Variants in ANTXR1 observed in about 807,000 individuals in gnomAD.
The protein encoded by ANTXR1 is anthrax toxin receptor 1.
Under a neutral mutation model 78.1 loss-of-function variants are expected in ANTXR1, and 19 were observed. The observed-to-expected ratio is 0.24, with a 90% CI of 0.17 to 0.36. ANTXR1 has a LOEUF of 0.36. Among genes scored for constraint, ANTXR1 ranks in the 10% least tolerant of loss-of-function variants. The pLI is 1.00. For missense variants in ANTXR1, 518 were observed against 718.6 expected (o/e 0.72, Z 3.19); for synonymous variants, 273 against 260.5 (o/e 1.05, Z -0.46).
chr2:69,152,517 T>C (rs1673425124), intron 13 of ANTXR1, among the ~76,000 whole-genome samples: 1 of 152,180 alleles, frequency 6.6e-6, no homozygotes, highest in Non-Finnish European at 1.5e-5. Context: ...GTGGCCGCTT[T>C]AGTTCTGGTG....
chr2:69,154,935 G>C (rs965663523), intron 13 of ANTXR1, among the ~76,000 whole-genome samples: 3 of 152,194 alleles, frequency 2.0e-5, no homozygotes, highest in African/African-American at 7.2e-5. Flanking sequence ...CCAGTTACTA[G>C]CTACAAAGGC....
intron 8 of ANTXR1, among the ~76,000 whole-genome samples, chr2:69,090,131 C>G (rs917360784): frequency 6.6e-6 from 1 of 151,988 alleles, no homozygotes. Flanking sequence ...CAAATGCCCC[C>G]TTTGAAGCTC....
intron 3 of ANTXR1, among the ~76,000 whole-genome samples, chr2:69,055,400 C>G (rs7579629): frequency 0.052 from 7,965 of 152,190 alleles, 241 homozygotes; most frequent in Middle Eastern, 0.11. Context: ...CAGGCAATGT[C>G]TCTACAGAAG....
rs1375575096 is a variant in ANTXR1, at chr2:69,041,955, G to GCTGT, written c.224+1842_224+1845dup. ...CCAAACTCCACCAGGCAGAGGCTGG[G>GCTGT]CTGTCGTCTGTTGACAGTCACAGCC... On this transcript the variant is annotated intron_variant, in intron 2 of 17. Transcript: ENST00000303714. 2.6e-5 allele frequency among the ~76,000 whole-genome samples: 4 copies of GCTGT among 152,272 alleles called. No individual in the cohort carries two copies. The South Asian group carries it at 6.2e-4, about 24-fold the overall frequency.
chr2:69,206,348 T>C (rs186489569), intron 17 of ANTXR1, among the ~76,000 whole-genome samples: 255 of 152,348 alleles, frequency 1.7e-3, no homozygotes, highest in South Asian at 4.8e-3. Flanking sequence ...TGAATTGTAA[T>C]GGAAAACCCT....
chr2:69,183,758 T>C (rs897506883), intron 16 of ANTXR1, among the ~76,000 whole-genome samples: 4 of 151,984 alleles, frequency 2.6e-5, no homozygotes, highest in African/African-American at 9.7e-5. Context: ...TGGCTTTGAA[T>C]TCACATGATT....
intron 1 of ANTXR1, among the ~76,000 whole-genome samples, chr2:69,015,522 C>T (rs1670999777): frequency 6.6e-6 from 1 of 151,556 alleles, no homozygotes; most frequent in South Asian, 2.1e-4. Context: ...AAAAATGGTT[C>T]CTGGACAAGT....
chr2:69,022,198 GT>G lies in ANTXR1; in HGVS notation c.152+8548del, dbSNP rs1671209461. On this transcript the variant is annotated intron_variant, in intron 1 of 17. Coordinates refer to ENST00000303714, the MANE Select transcript of ANTXR1 (RefSeq NM_032208.3). Reference sequence around the variant, plus strand: ...CAGCAGCAGAGCTCAGAGGATGCCTGTACACTGCAGGGGCTGATTCTGAGTT... The same window carrying G: ...CAGCAGCAGAGCTCAGAGGATGCCTGACACTGCAGGGGCTGATTCTGAGTT... Among the ~76,000 whole-genome samples the G allele has an allele frequency of 3.3e-5, 5 of 152,340 alleles. No homozygotes were observed. In the South Asian group the frequency reaches 1.0e-3, roughly 32 times the overall value.
At chr2:69,193,500 T>C (rs1346596267) in intron 17 of ANTXR1, 85 bp downstream of exon 17, 1 of 1,193,338 alleles carries the variant, frequency 8.4e-7, no homozygotes, top group Non-Finnish European at 1.2e-6. Context: ...CATATTCTTT[T>C]TCTCTCTCCA....
intron 14 of ANTXR1, among the ~76,000 whole-genome samples, chr2:69,176,138 G>A (rs146661845): frequency 6.7e-6 from 1 of 149,416 alleles, no homozygotes; most frequent in African/African-American, 2.5e-5. Context: ...CCTAGAGAAG[G>A]CCCAAAATTC....
intron 17 of ANTXR1, among the ~76,000 whole-genome samples, chr2:69,218,209 A>G (rs1241897024): frequency 6.6e-6 from 1 of 152,172 alleles, no homozygotes; most frequent in Non-Finnish European, 1.5e-5. Context: ...GCCTTTGTAG[A>G]TTAAAATTAA....
intron 1 of ANTXR1, among the ~76,000 whole-genome samples, chr2:69,031,351 C>T (rs1159224838): frequency 6.6e-6 from 1 of 152,122 alleles, no homozygotes; most frequent in Non-Finnish European, 1.5e-5. Context: ...TCATTTTACC[C>T]TAGGTTCTGC....
At chr2:69,116,596 T>C (rs190589656) in intron 10 of ANTXR1, among the ~76,000 whole-genome samples, 55 of 152,280 alleles carry the variant, frequency 3.6e-4, no homozygotes, top group African/African-American at 1.3e-3. Flanking sequence ...CAAGGGACAC[T>C]AGGAGAAACA....
intron 16 of ANTXR1, among the ~76,000 whole-genome samples, chr2:69,190,032 A>C (rs1273256852): frequency 6.6e-6 from 1 of 152,110 alleles, no homozygotes; most frequent in Non-Finnish European, 1.5e-5. Context: ...ACTAGATGAG[A>C]GCACTCAGCT....
intron 3 of ANTXR1, among the ~76,000 whole-genome samples, chr2:69,055,196 G>A (rs897024990): frequency 4.6e-5 from 7 of 152,108 alleles, no homozygotes; most frequent in African/African-American, 7.2e-5. Context: ...ATCACAGTAG[G>A]CCCAACAGTG....
chr2:69,015,197 A>G (rs1670986328), intron 1 of ANTXR1, among the ~76,000 whole-genome samples: 1 of 150,654 alleles, frequency 6.6e-6, no homozygotes, highest in Non-Finnish European at 1.5e-5. Context: ...ATTGAATTCA[A>G]CTTTTCAGTC....
At chr2:69,146,282 C>T in intron 12 of ANTXR1, 2 of 985,392 alleles carry the variant, frequency 2.0e-6, no homozygotes, top group Non-Finnish European at 2.4e-6. Flanking sequence ...GTGCTTCCAG[C>T]TCCAGTTGCT....
intron 1 of ANTXR1, among the ~76,000 whole-genome samples, chr2:69,029,804 A>G (rs536020028): frequency 8.3e-4 from 127 of 152,336 alleles, no homozygotes; most frequent in African/African-American, 1.9e-3. Context: ...AATATATAAG[A>G]AAAAGACATG....
intron 17 of ANTXR1, among the ~76,000 whole-genome samples, chr2:69,227,263 G>A (rs894628226): frequency 6.6e-6 from 1 of 152,106 alleles, no homozygotes; most frequent in African/African-American, 2.4e-5. Context: ...AGGCACTCTG[G>A]CAGGATCATG....
Sources: allele counts gnomAD v4.1 joint callset (sites outside exome capture counted in the v4.1 genomes callset), GRCh38; gene constraint gnomAD v4.1.1; transcripts MANE v1.5; gene names NCBI Gene and HGNC (gene_info 2026-07-23, HGNC 2026-07-21).